The following UNC79 variants were observed in gnomAD, a reference collection of about 807,000 sequenced individuals.
UNC79 encodes unc-79 subunit of NALCN channel complex.
UNC79 carries 37 observed loss-of-function variants against 283.1 expected under a neutral mutation model. The observed-to-expected ratio is 0.13, with a 90% CI of 0.10 to 0.17. UNC79 has a LOEUF of 0.17. Among genes scored for constraint, UNC79 ranks in the 10% least tolerant of loss-of-function variants. The pLI, the probability that UNC79 is intolerant of heterozygous loss-of-function variation, is 1.00. For synonymous variants in UNC79, 1,107 were observed against 1,200.2 expected, an observed-to-expected ratio of 0.92 and a Z score of 1.61; for missense variants, 2,272 against 3,211.1, an observed-to-expected ratio of 0.71 and a Z score of 7.07.
chr14:93,514,729 C>A (rs2059976707), intron 7 of UNC79, among the ~76,000 whole-genome samples: 1 of 152,168 alleles, frequency 6.6e-6, no homozygotes, highest in African/African-American at 2.4e-5. Context: ...TGATTTCTTA[C>A]TGAGTTCCAT....
In UNC79 at chr14:93,701,901, G is replaced by A. The variant is rs143502702; in HGVS notation, c.7549-2724G>A. Among the ~76,000 whole-genome samples, 963 of 152,240 alleles carry A rather than the reference G, an allele frequency of 6.3e-3. 7 individuals are homozygous for A. Among genetic ancestry groups the A allele is most frequent in the African/African-American group, 0.022 (918 of 41,540 alleles). On this transcript the variant is annotated intron_variant, in intron 47 of 48. Coordinates refer to ENST00000555664, the Ensembl canonical transcript of UNC79. ...TTCCCCTTGCTTGCTTCACATGGAC[G>A]CTTAGCCACAGTGGCAGCACTGGGA...
intron 10 of UNC79, 71 bp downstream of exon 10, chr14:93,529,397 T>C: frequency 6.5e-7 from 1 of 1,528,394 alleles, no homozygotes; most frequent in African/African-American, 1.4e-5. Flanking sequence ...TATCTCCTTT[T>C]GTACTATTTT....
chr14:93,672,715 CTAAA>C (rs1226080323), intron 40 of UNC79, among the ~76,000 whole-genome samples: 1 of 152,140 alleles, frequency 6.6e-6, no homozygotes, highest in Admixed American at 6.5e-5. Context: ...GATGAATAAC[CTAAA>C]TACTCTAACT....
rs1039527784 is a variant in UNC79 at position 93,536,509 on chromosome 14, ATCT to A, written c.1123-1475_1123-1473del. On this transcript the variant is annotated intron_variant, in intron 11 of 48. Coordinates refer to ENST00000555664, the Ensembl canonical transcript of UNC79. ...TATAGAAGTTTGGAAATCCCAAAAC[ATCT>A]TCTTTTTTGGGCTGTCTCTGTCCCT... Among the ~76,000 whole-genome samples, 34 of 152,300 alleles carry A rather than the reference ATCT, an allele frequency of 2.2e-4. 2 individuals carry two copies. Among genetic ancestry groups the A allele is most frequent in the African/African-American group, 7.5e-4 (31 of 41,550 alleles).
chr14:93,497,043 A>G (rs1298270936), intron 6 of UNC79, 114 bp from the exon 7 acceptor site: 7 of 1,154,282 alleles, frequency 6.1e-6, no homozygotes, highest in Non-Finnish European at 8.5e-6. Flanking sequence ...TTCCAGGGAA[A>G]TTACTCACCT....
chr14:93,571,302 G>T (rs7150308), intron 14 of UNC79, among the ~76,000 whole-genome samples: 5 of 152,046 alleles, frequency 3.3e-5, no homozygotes, highest in African/African-American at 1.2e-4. Flanking sequence ...ACTTTTTCCT[G>T]CTCTTAAAAA....
At position 93,688,819 on chromosome 14, in the gene UNC79, C is replaced by A; in HGVS notation, c.7064C>A (p.Pro2355His). Reference sequence around the variant, plus strand: ...CGCTATCTGCCTTGGCTTTATCATCCCCCCTCTGCAATGCAGCAAGGGTAA... The same window carrying A: ...CGCTATCTGCCTTGGCTTTATCATCACCCCTCTGCAATGCAGCAAGGGTAA... The change falls in exon 44 of 49, where the codon CCC becomes CAC. Residue 2355 changes from proline (P) to histidine (H), a missense_variant. Physicochemically the swap from Pro to His is moderately conservative, Grantham distance 77. Coordinates refer to ENST00000555664, the Ensembl canonical transcript of UNC79. This position sits in a 1 kb window ranked among gnomAD's most constrained non-coding sequence, Gnocchi z 4.0. 2 of 1,613,800 alleles carry A rather than the reference C, an allele frequency of 1.2e-6. No homozygotes were observed. The highest frequency in any genetic ancestry group is 1.7e-6 in the Non-Finnish European group (2 of 1,179,946).
rs536872061 is a variant in UNC79, at chr14:93,516,358, T to C, written c.899-7620T>C. ...ACTCCAGATTTGTTCTTTTAAAGAA[T>C]TTTTTGGGCTATTTTAGTACCTTTG... On this transcript the variant is annotated intron_variant, in intron 7 of 48. Coordinates refer to ENST00000555664, the Ensembl canonical transcript of UNC79. Among the ~76,000 whole-genome samples the C allele has an allele frequency of 6.6e-5, 10 of 151,642 alleles. No homozygotes were observed. In the East Asian group the frequency reaches 1.9e-3, roughly 29 times the overall value.
chr14:93,639,032 A>G (rs868591212), intron 32 of UNC79, among the ~76,000 whole-genome samples: 6 of 152,178 alleles, frequency 3.9e-5, no homozygotes, highest in African/African-American at 1.4e-4. Flanking sequence ...TCACAATGCT[A>G]TTGTCAAAAA....
rs555179232 is a variant in UNC79, at chr14:93,621,566, A to G, written c.4388-55A>G. 1.2e-4 allele frequency: 179 copies of G among 1,486,540 alleles called. No individual in the cohort carries two copies. In the African/African-American group the frequency reaches 2.2e-3, roughly 18 times the overall value. 92.1% of individuals were successfully genotyped at this position (1,486,540 alleles called of 1,614,324 possible). A position where few individuals can be genotyped will look rare whatever the true frequency, so the allele number is the denominator to read the frequency against. On this transcript the variant is annotated intron_variant, in intron 29 of 48. Coordinates refer to ENST00000555664, the Ensembl canonical transcript of UNC79. The surrounding 1 kb of genome is among the most constrained non-coding windows in gnomAD (Gnocchi z 4.8). ...CAATTGTATGCCCAAGGATGAGGGG[A>G]AAAAATGGTGAAATCTCCAAGTAAA...
intron 1 of UNC79, among the ~76,000 whole-genome samples, chr14:93,441,760 A>T (rs1308978117): frequency 6.6e-6 from 1 of 152,050 alleles, no homozygotes; most frequent in Non-Finnish European, 1.5e-5. Flanking sequence ...CTGATTTTTG[A>T]TAATTGTATT....
chr14:93,560,333 AT>A (rs1229601497), intron 14 of UNC79, among the ~76,000 whole-genome samples: 1 of 152,154 alleles, frequency 6.6e-6, no homozygotes, highest in Admixed American at 6.5e-5. Flanking sequence ...AACAATCTTC[AT>A]TTAAAAATAT....
At chr14:93,685,991 A>G (rs1051607137) in intron 42 of UNC79, among the ~76,000 whole-genome samples, 1 of 152,182 alleles carries the variant, frequency 6.6e-6, no homozygotes, top group African/African-American at 2.4e-5. Flanking sequence ...ACAGTAATAC[A>G]TGTATCTATT....
In UNC79 at chr14:93,621,486, C is replaced by G; in HGVS notation, c.4388-135C>G. ...TAGAACGAACCTTACAAAAACTTGG[C>G]CAGAAAGTTCGTTTTCCCTCCTGGT... On this transcript the variant is annotated intron_variant, in intron 29 of 48. Transcript: ENST00000555664. The surrounding 1 kb of genome is among the most constrained non-coding windows in gnomAD (Gnocchi z 4.8). 8.6e-7 allele frequency: 1 copy of G among 1,160,226 alleles called. No homozygotes were observed. The highest frequency in any genetic ancestry group is 1.2e-6 in the Non-Finnish European group (1 of 869,210). The allele number at this position is 1,160,226 out of a possible 1,614,324, so 71.9% of individuals were successfully genotyped here.
exon 16 of UNC79, chr14:93,572,816 T>C: frequency 6.2e-7 from 1 of 1,613,272 alleles, no homozygotes; most frequent in Non-Finnish European, 8.5e-7. Context: ...TGTGGCTTCA[T>C]GTAAGTGAAT....
At chr14:93,439,386 T>G (rs1441139106) in intron 1 of UNC79, among the ~76,000 whole-genome samples, 1 of 152,122 alleles carries the variant, frequency 6.6e-6, no homozygotes, top group East Asian at 1.9e-4. Context: ...TTGTTAAGTT[T>G]TTTTTTTAAA....
intron 41 of UNC79, among the ~76,000 whole-genome samples, chr14:93,678,184 G>T (rs970708519): frequency 6.6e-6 from 1 of 152,202 alleles, no homozygotes; most frequent in Admixed American, 6.5e-5. Context: ...GCCAGGAGCA[G>T]ACAGTGACTT....
At chr14:93,527,914 C>T (rs2060619713) in intron 8 of UNC79, among the ~76,000 whole-genome samples, 1 of 151,132 alleles carries the variant, frequency 6.6e-6, no homozygotes, top group Admixed American at 6.6e-5. Context: ...TGCTTAGGCT[C>T]GTGAAACCCA....
At chr14:93,381,618 T>C (rs892921440) in intron 1 of UNC79, among the ~76,000 whole-genome samples, 9 of 152,206 alleles carry the variant, frequency 5.9e-5, no homozygotes, top group African/African-American at 2.2e-4. Context: ...AGAGTCTGCC[T>C]AAAAACATCA....
Sources: gnomAD v4.1 joint callset for allele counts (sites outside exome capture counted in the v4.1 genomes callset) on GRCh38, gnomAD v4.1.1 for gene constraint, Gnocchi (gnomAD v3.1) non-coding constraint, MANE v1.5 for transcripts, NCBI Gene and HGNC (gene_info 2026-07-23, HGNC 2026-07-21) for gene names.